Variants in PTPN23 observed in about 807,000 individuals in gnomAD.
PTPN23 encodes tyrosine-protein phosphatase non-receptor type 23.
In PTPN23, 72 loss-of-function variants were observed where a neutral mutation model predicts 156.3. That is an observed-to-expected ratio of 0.46 (90% CI 0.38 to 0.56). The LOEUF is 0.56. PTPN23 is among the 20% of genes least tolerant of loss of function. The pLI is 0.00. For missense variants in PTPN23, 1,974 were observed against 2,171.5 expected (o/e 0.91, Z 1.81); for synonymous variants, 957 against 899.6 (o/e 1.06, Z -1.14).
rs567583225 is a variant in PTPN23 at position 47,413,275 on chromosome 3, T to A, written c.*90T>A. ...CAGCAGAGCTTCTCAGTGGGCACAG[T>A]CTCTTACTCCCATTTCTGCTGCCTT... is the stretch of plus-strand genomic sequence containing the variant. On this transcript the variant is annotated 3_prime_UTR_variant, in exon 25 of 25. Coordinates refer to ENST00000265562, the MANE Select transcript of PTPN23 (RefSeq NM_015466.4). The A allele has an allele frequency of 5.4e-6, 8 of 1,493,070 alleles. No individual in the cohort carries two copies. The African/African-American group carries it at 7.0e-5, about 13-fold the overall frequency. The allele number at this position is 1,493,070 out of a possible 1,614,324, so 92.5% of individuals were successfully genotyped here. A position where few individuals can be genotyped will look rare whatever the true frequency, so the allele number is the denominator to read the frequency against.
At chr3:47,408,026 GC>G in intron 14 of PTPN23, 71 bp downstream of exon 14, 1 of 1,519,260 alleles carries the variant, frequency 6.6e-7, no homozygotes, top group Non-Finnish European at 9.0e-7. Context: ...CCCCAGGGCT[GC>G]CTATGCTGGG....
intron 1 of PTPN23, among the ~76,000 whole-genome samples, chr3:47,383,668 A>G (rs1417507404): frequency 2.0e-5 from 3 of 152,210 alleles, no homozygotes; most frequent in Admixed American, 6.5e-5. Context: ...AGAAACTCCT[A>G]GGAAGTATTT....
intron 2 of PTPN23, among the ~76,000 whole-genome samples, chr3:47,400,719 A>G (rs553819437): frequency 1.3e-5 from 2 of 150,204 alleles, no homozygotes; most frequent in Admixed American, 6.6e-5. Context: ...GATTACAGGC[A>G]CTCGCCATCA....
At chr3:47,400,964 G>A (rs1477129767) in intron 2 of PTPN23, among the ~76,000 whole-genome samples, 26 of 143,720 alleles carry the variant, frequency 1.8e-4, no homozygotes, top group Non-Finnish European at 3.2e-4. Flanking sequence ...GTGCAGTGGC[G>A]CAATCTCGGC....
rs1356625254 is a variant in PTPN23, at chr3:47,407,316, C to T, written c.872C>T (p.Pro291Leu). The T allele has an allele frequency of 6.2e-7, 1 of 1,613,860 alleles. No individual in the cohort carries two copies. The highest frequency in any genetic ancestry group is 8.5e-7 in the Non-Finnish European group (1 of 1,179,954). Residue 291 changes from proline to leucine, a missense_variant, in exon 11 of 25, where the codon CCT (proline) becomes CTT (leucine). Around this residue, in one of 4 missense-constraint regions of PTPN23, gnomAD observed 726 missense variants for 929.5 expected, o/e 0.78. Transcript: ENST00000265562. The surrounding 1 kb of genome is among the most constrained non-coding windows in gnomAD (Gnocchi z 4.0). Reference sequence around the variant, plus strand: ...CTGTCCCTAACCCCACAGGGCCAGCCTGACACTGTGCAAGACGCGCTTCGC... The same window carrying T: ...CTGTCCCTAACCCCACAGGGCCAGCTTGACACTGTGCAAGACGCGCTTCGC... Reference protein sequence around the residue: ...NEAIKLAKGQPDTVQDALRFT... With the variant: ...NEAIKLAKGQLDTVQDALRFT...
In PTPN23 at chr3:47,406,553, CAGA is replaced by C; in HGVS notation, c.703_705del (p.Lys235del). ...CACTGCCTCACTGCTGGGCCGGATCCAGAAGGACTGGAAGAAACTTGTGCAGAT... is the reference window on the plus strand; with the variant it reads ...CACTGCCTCACTGCTGGGCCGGATCCAGGACTGGAAGAAACTTGTGCAGAT... On this transcript the variant is annotated inframe_deletion, in exon 8 of 25. Coordinates refer to ENST00000265562, the MANE Select transcript of PTPN23 (RefSeq NM_015466.4). This position sits in a 1 kb window ranked among gnomAD's most constrained non-coding sequence, Gnocchi z 5.8. 1 of 1,614,034 alleles carries C rather than the reference CAGA, an allele frequency of 6.2e-7. No homozygotes were observed.
Position 47,411,103 on chromosome 3 carries a change from C to A in PTPN23, c.3305C>A (p.Pro1102Gln). Residue 1102 changes from proline to glutamine, a missense_variant, in exon 20 of 25, where the codon CCA becomes CAA. By Grantham distance (76) the Pro-to-Gln change is moderately conservative (BLOSUM62 -1). Coordinates refer to ENST00000265562, the MANE Select transcript of PTPN23 (RefSeq NM_015466.4). This position sits in a 1 kb window ranked among gnomAD's most constrained non-coding sequence, Gnocchi z 6.3. ...PGPGPVPPRP[P>Q]AAEPPPCLRR... The stretch of plus-strand genomic sequence containing the variant: ...CCTGGTCCGGTACCCCCTCGCCCCC[C>A]AGCAGCAGAACCACCCCCTTGCCTG... 1 of 1,604,888 alleles carries A rather than the reference C, an allele frequency of 6.2e-7. No homozygotes were observed.
At chr3:47,390,779 C>G (rs1204289207) in intron 1 of PTPN23, among the ~76,000 whole-genome samples, 1 of 152,186 alleles carries the variant, frequency 6.6e-6, no homozygotes, top group Non-Finnish European at 1.5e-5. Flanking sequence ...GGCTGCTCCA[C>G]TGACTCACTG....
Position 47,397,816 on chromosome 3 carries a change from C to T in PTPN23, c.159+1599C>T, listed in dbSNP as rs540030971. ...TCCTAAGTAGCTGGGACTACAGGCG[C>T]CCACCACCACGCCCGGCTAATTTTT... On this transcript the variant is annotated intron_variant, in intron 2 of 24. Coordinates refer to ENST00000265562, the MANE Select transcript of PTPN23 (RefSeq NM_015466.4). Among the ~76,000 whole-genome samples, 6 of 152,144 alleles carry T rather than the reference C, an allele frequency of 3.9e-5. No homozygotes were observed. In the East Asian group the frequency reaches 1.2e-3, roughly 30 times the overall value.
At position 47,411,485 on chromosome 3, in the gene PTPN23, T is replaced by C. The variant is rs1337294223; in HGVS notation, c.3687T>C (p.Tyr1229=). ...LKNRHQDVMP[Y]DSNRVVLRSG... Reference sequence around the variant, plus strand: ...ACCGGCACCAGGATGTCATGCCCTATGACAGTAACCGTGTGGTGCTGCGCT... The same window carrying C: ...ACCGGCACCAGGATGTCATGCCCTACGACAGTAACCGTGTGGTGCTGCGCT... Residue 1229 remains tyrosine (Y), a synonymous_variant, in exon 20 of 25, where the codon TAT becomes TAC. Coordinates refer to ENST00000265562, the MANE Select transcript of PTPN23 (RefSeq NM_015466.4). The surrounding 1 kb of genome is among the most constrained non-coding windows in gnomAD (Gnocchi z 6.3). 1 of 1,613,150 alleles carries C rather than the reference T, an allele frequency of 6.2e-7. No individual in the cohort carries two copies. Among genetic ancestry groups the C allele is most frequent in the Non-Finnish European group, 8.5e-7 (1 of 1,180,014 alleles).
intron 2 of PTPN23, 75 bp downstream of exon 2, chr3:47,396,292 G>T: frequency 7.9e-7 from 1 of 1,270,628 alleles, no homozygotes; most frequent in South Asian, 1.3e-5. Context: ...AAACTGCCTA[G>T]GCTGGGCATG....
At chr3:47,383,616 G>A (rs1001009849) in intron 1 of PTPN23, among the ~76,000 whole-genome samples, 1 of 152,212 alleles carries the variant, frequency 6.6e-6, no homozygotes, top group Non-Finnish European at 1.5e-5. Context: ...TAGAGATGGT[G>A]ACCATAAATA....
In PTPN23 at chr3:47,409,808, G is replaced by A. The variant is rs1705220177; in HGVS notation, c.2103G>A (p.Glu701=). The A allele has an allele frequency of 6.8e-6, 11 of 1,609,892 alleles. No individual in the cohort carries two copies. Among genetic ancestry groups the A allele is most frequent in the Non-Finnish European group, 9.3e-6 (11 of 1,179,294 alleles). ...ERTQSTCQAR[E]AARQQLLDRE... ...CGCAGTCCACCTGCCAGGCCCGCGA[G>A]GCTGCCCGCCAGCAGCTCCTGGACA... is the stretch of plus-strand genomic sequence containing the variant. Residue 701 remains glutamate (E), a synonymous_variant, in exon 19 of 25, where the codon GAG becomes GAA. Transcript: ENST00000265562.
chr3:47,403,195 GGT>G (rs1705038398), intron 2 of PTPN23, among the ~76,000 whole-genome samples: 2 of 151,824 alleles, frequency 1.3e-5, no homozygotes, highest in Non-Finnish European at 2.9e-5. Flanking sequence ...TGGGTCTACA[GGT>G]GCCTGCCACC....
chr3:47,410,217 G>A lies in PTPN23; in HGVS notation c.2419G>A (p.Ala807Thr), dbSNP rs113487545. Residue 807 changes from alanine to threonine, a missense_variant, in exon 20 of 25, where the codon GCC (alanine) becomes ACC (threonine). Around this residue, in one of 4 missense-constraint regions of PTPN23, gnomAD observed 731 missense variants for 669.1 expected, o/e 1.09. Transcript: ENST00000265562. ...CCCCACCCAGCTGATACAGCCCAGGGCCCCAGGGCCCCATGCAATGCCCGT... is the reference window on the plus strand; with the variant it reads ...CCCCACCCAGCTGATACAGCCCAGGACCCCAGGGCCCCATGCAATGCCCGT... ...SGPTQLIQPRAPGPHAMPVAP... is the reference protein window; with the variant it reads ...SGPTQLIQPRTPGPHAMPVAP... 1.4e-5 allele frequency: 23 copies of A among 1,610,828 alleles called. 1 individual carries two copies. The highest frequency in any genetic ancestry group is 1.1e-4 in the South Asian group (10 of 90,602).
chr3:47,411,649 TC>T lies in PTPN23; in HGVS notation c.3852del (p.Ile1285LeufsTer32). The stretch of plus-strand genomic sequence containing the variant: ...ATGGTCCATGAGCAGAAAGTGTCAG[TC>T]ATTGTCATGCTGGTTTCTGAGGCTG... ...WLMVHEQKVS[V>X]IVMLVSEAEM... is the part of the protein sequence containing the mutation. On this transcript the variant is annotated frameshift_variant, in exon 20 of 25. Transcript: ENST00000265562. LOFTEE classifies it high-confidence loss of function. The surrounding 1 kb of genome is among the most constrained non-coding windows in gnomAD (Gnocchi z 6.3). 1 of 1,608,112 alleles carries T rather than the reference TC, an allele frequency of 6.2e-7. No individual in the cohort carries two copies. The highest frequency in any genetic ancestry group is 8.5e-7 in the Non-Finnish European group (1 of 1,176,742).
chr3:47,406,294 G>A lies in PTPN23; in HGVS notation c.547-31G>A, dbSNP rs1236747898. ...AGGGGAAGCGGGAGGCCTTGGGTGA[G>A]CGAGGGAGTGCACCTCACGTGTCGC... is the stretch of plus-strand genomic sequence containing the variant. On this transcript the variant is annotated intron_variant, in intron 6 of 24. Coordinates refer to ENST00000265562, the MANE Select transcript of PTPN23 (RefSeq NM_015466.4). This position sits in a 1 kb window ranked among gnomAD's most constrained non-coding sequence, Gnocchi z 5.8. 4 of 1,611,930 alleles carry A rather than the reference G, an allele frequency of 2.5e-6. No individual in the cohort carries two copies. In the East Asian group the frequency reaches 8.9e-5, roughly 36 times the overall value.
Position 47,405,685 on chromosome 3 carries a change from C to T in PTPN23, c.365-64C>T, listed in dbSNP as rs1705104317. On this transcript the variant is annotated intron_variant, in intron 4 of 24. Coordinates refer to ENST00000265562, the MANE Select transcript of PTPN23 (RefSeq NM_015466.4). The surrounding 1 kb of genome is among the most constrained non-coding windows in gnomAD (Gnocchi z 4.7). ...ATTGTGGATAACAGCAGTGCCCCCT[C>T]TGTCTCACCTTCACATGGGTGTGAG... The T allele has an allele frequency of 6.6e-7, 1 of 1,519,816 alleles. No individual in the cohort carries two copies. Among genetic ancestry groups the T allele is most frequent in the Non-Finnish European group, 9.0e-7 (1 of 1,115,550 alleles). The allele number at this position is 1,519,816 out of a possible 1,614,324, so 94.1% of individuals were successfully genotyped here.
In PTPN23 at chr3:47,405,875, C is replaced by A. The variant is rs762131791; in HGVS notation, c.415-40C>A. 1.2e-6 allele frequency: 2 copies of A among 1,607,992 alleles called. No individual in the cohort carries two copies. Among genetic ancestry groups the A allele is most frequent in the South Asian group, 1.1e-5 (1 of 90,162 alleles). On this transcript the variant is annotated intron_variant, in intron 5 of 24. Coordinates refer to ENST00000265562, the MANE Select transcript of PTPN23 (RefSeq NM_015466.4). The surrounding 1 kb of genome is among the most constrained non-coding windows in gnomAD (Gnocchi z 4.7). ...CTCCCAAGTATGGATGAATCCTGAC[C>A]CATGGAGTGGACACAGGCCATCCTC...
Sources: allele counts gnomAD v4.1 joint callset (sites outside exome capture counted in the v4.1 genomes callset), GRCh38; gene constraint gnomAD v4.1.1; regional missense constraint gnomAD v4.1.1; non-coding constraint Gnocchi (gnomAD v3.1); transcripts MANE v1.5; gene names NCBI Gene and HGNC (gene_info 2026-07-23, HGNC 2026-07-21).